Variants in E2F1 observed in about 807,000 individuals in gnomAD.
The protein encoded by E2F1 is E2F transcription factor 1.
In E2F1, 7 loss-of-function variants were observed where a neutral mutation model predicts 36.9. The ratio of observed to expected loss-of-function variants is 0.19; its 90% CI spans 0.11 to 0.36. The LOEUF (loss-of-function observed/expected upper bound fraction) is 0.36, where lower values mean the gene tolerates loss of function less well. E2F1 is among the 10% of genes least tolerant of loss of function. E2F1 has a pLI of 1.00. For synonymous variants in E2F1, 261 were observed against 263.1 expected (o/e 0.99, Z 0.08); for missense variants, 406 against 573.6 (o/e 0.71, Z 2.99).
Position 33,675,857 on chromosome 20 carries a change from A to G in E2F1, c.*875T>C, listed in dbSNP as rs2017943822. 1 of 173,232 alleles carries G rather than the reference A, an allele frequency of 5.8e-6. No individual in the cohort carries two copies. Among genetic ancestry groups the G allele is most frequent in the Non-Finnish European group, 1.2e-5 (1 of 81,524 alleles). The allele number at this position is 173,232 out of a possible 1,614,324, so 10.7% of individuals were successfully genotyped here. A position where few individuals can be genotyped will look rare whatever the true frequency, so the allele number is the denominator to read the frequency against. On this transcript the variant is annotated 3_prime_UTR_variant, in exon 7 of 7. Coordinates refer to ENST00000343380, the MANE Select transcript of E2F1 (RefSeq NM_005225.3). ...GAGGCCTTCACCACCCCTCCTGCCC[A>G]CATCAGTGAAGGTCCCCCACTCACC...
chr20:33,679,369 C>T lies in E2F1; in HGVS notation c.572+386G>A, dbSNP rs1292106481. Among the ~76,000 whole-genome samples the T allele has an allele frequency of 6.6e-6, 1 of 152,122 alleles. No homozygotes were observed. Among genetic ancestry groups the T allele is most frequent in the Non-Finnish European group, 1.5e-5 (1 of 68,020 alleles). On this transcript the variant is annotated intron_variant, in intron 3 of 6. Coordinates refer to ENST00000343380, the MANE Select transcript of E2F1 (RefSeq NM_005225.3). This position sits in a 1 kb window ranked among gnomAD's most constrained non-coding sequence, Gnocchi z 4.6. ...GACCAGACTGGCCAACATGGTGAAACCCCATTTCTACTACAAATACAAAAA... is the reference window on the plus strand; with the variant it reads ...GACCAGACTGGCCAACATGGTGAAATCCCATTTCTACTACAAATACAAAAA...
chr20:33,676,991 G>T lies in E2F1; in HGVS notation c.1067-12C>A. Reference sequence around the variant, plus strand: ...GGACAACAGCGGTTCTGGGGAGACGGGGAGCATCACAGGCCGGGGATGCCC... The same window carrying T: ...GGACAACAGCGGTTCTGGGGAGACGTGGAGCATCACAGGCCGGGGATGCCC... On this transcript the variant is annotated splice_polypyrimidine_tract_variant and intron_variant, in intron 6 of 6. Coordinates refer to ENST00000343380, the MANE Select transcript of E2F1 (RefSeq NM_005225.3). 1 of 1,560,078 alleles carries T rather than the reference G, an allele frequency of 6.4e-7. No individual in the cohort carries two copies. The highest frequency in any genetic ancestry group is 2.3e-5 in the East Asian group (1 of 43,094).
chr20:33,677,064 G>A, intron 6 of E2F1, 41 bp downstream of exon 6: 1 of 1,580,718 alleles, frequency 6.3e-7, no homozygotes, highest in Non-Finnish European at 8.6e-7. Flanking sequence ...CCCCCCAGAA[G>A]AGGGGCCCTG....
At chr20:33,681,400 A>G (rs1331142237) in intron 1 of E2F1, among the ~76,000 whole-genome samples, 1 of 152,174 alleles carries the variant, frequency 6.6e-6, no homozygotes, top group Non-Finnish European at 1.5e-5. Flanking sequence ...TGACTAATCT[A>G]TACGCATGGT....
chr20:33,677,548 G>C lies in E2F1; in HGVS notation c.726-8C>G. 1 of 1,611,992 alleles carries C rather than the reference G, an allele frequency of 6.2e-7. No homozygotes were observed. The highest frequency in any genetic ancestry group is 8.5e-7 in the Non-Finnish European group (1 of 1,178,288). On this transcript the variant is annotated splice_region_variant and splice_polypyrimidine_tract_variant and intron_variant, in intron 4 of 6. Coordinates refer to ENST00000343380, the MANE Select transcript of E2F1 (RefSeq NM_005225.3). ...CACGTCACGTAGGCCAGGGTTGGCA[G>C]AGTCAAGGACCACATGACCTTTGAC...
chr20:33,685,865 G>A (rs2018062811), intron 1 of E2F1, 139 bp downstream of exon 1: 3 of 849,262 alleles, frequency 3.5e-6, no homozygotes, highest in Non-Finnish European at 4.3e-6. Context: ...CCCAACCCCG[G>A]CTCTGCACCG....
Position 33,676,849 on chromosome 20 carries a change from G to A in E2F1, c.1197C>T (p.Phe399=). ...CCTCGTGGGGTGGGGAAAGGCTGAT[G>A]AACTCCTCAGGGAGGAGGCCGGAGA... ...EDFSGLLPEE[F]ISLSPPHEAL... is the part of the protein sequence containing the mutation. The change falls in exon 7 of 7, where the codon TTC becomes TTT. Residue 399 remains phenylalanine (F), a synonymous_variant. Transcript: ENST00000343380. The A allele has an allele frequency of 6.3e-7, 1 of 1,591,584 alleles. No individual in the cohort carries two copies. Among genetic ancestry groups the A allele is most frequent in the South Asian group, 1.1e-5 (1 of 88,134 alleles).
At position 33,676,884 on chromosome 20, in the gene E2F1, G is replaced by T; in HGVS notation, c.1162C>A (p.Arg388=). 1 of 1,576,788 alleles carries T rather than the reference G, an allele frequency of 6.3e-7. No homozygotes were observed. Among genetic ancestry groups the T allele is most frequent in the Non-Finnish European group, 8.6e-7 (1 of 1,160,276 alleles). Residue 388 remains arginine (R), a synonymous_variant, in exon 7 of 7, where the codon CGG becomes AGG. Coordinates refer to ENST00000343380, the MANE Select transcript of E2F1 (RefSeq NM_005225.3). ...VAADSLLEHV[R]EDFSGLLPEE... ...GGGAGGAGGCCGGAGAAGTCCTCCC[G>T]CACATGCTCCAGGAGCGAGTCGGCC...
At chr20:33,685,520 G>A (rs1410569304) in intron 1 of E2F1, among the ~76,000 whole-genome samples, 2 of 152,120 alleles carry the variant, frequency 1.3e-5, no homozygotes, top group East Asian at 3.9e-4. Flanking sequence ...TGCAAATTCT[G>A]AGCTGAAGCC....
chr20:33,678,484 G>T, intron 3 of E2F1, 131 bp from the exon 4 acceptor site: 1 of 1,211,602 alleles, frequency 8.3e-7, no homozygotes, highest in Non-Finnish European at 1.1e-6. Flanking sequence ...CTTCTGTCTG[G>T]GTCTGGCTCC....
chr20:33,677,362 GGCCCAGGTGACCACCA>G (rs1231065322), intron 5 of E2F1, 32 bp from the exon 6 acceptor site: 2 of 1,610,880 alleles, frequency 1.2e-6, no homozygotes, highest in East Asian at 4.5e-5. Context: ...GGTAAACTGA[GGCCCAGGTGACCACCA>G]GCCCAGCCCA....
At position 33,676,455 on chromosome 20, in the gene E2F1, TACATGCACACAC is replaced by T; in HGVS notation, c.*265_*276del. ...GTGTATGTTCACCTTCATTCCCCGG[TACATGCACACAC>T]ACATGCTCACACACATTCACCCCCG... On this transcript the variant is annotated 3_prime_UTR_variant, in exon 7 of 7. Transcript: ENST00000343380. 2.4e-6 allele frequency: 1 copy of T among 412,142 alleles called. No individual in the cohort carries two copies. 25.5% of individuals were successfully genotyped at this position (412,142 alleles called of 1,614,324 possible).
chr20:33,680,005 C>A, intron 2 of E2F1, 31 bp from the exon 3 acceptor site: 1 of 1,533,012 alleles, frequency 6.5e-7, no homozygotes, highest in Non-Finnish European at 8.9e-7. Flanking sequence ...AAGACAGGGC[C>A]CTTCAGCATC....
In E2F1 at chr20:33,675,818, G is replaced by T. The variant is rs3213180; in HGVS notation, c.*914C>A. 1 of 185,206 alleles carries T rather than the reference G, an allele frequency of 5.4e-6. No homozygotes were observed. Among genetic ancestry groups the T allele is most frequent in the Non-Finnish European group, 1.1e-5 (1 of 88,906 alleles). The allele number at this position is 185,206 out of a possible 1,614,324, so 11.5% of individuals were successfully genotyped here. On this transcript the variant is annotated 3_prime_UTR_variant, in exon 7 of 7. Coordinates refer to ENST00000343380, the MANE Select transcript of E2F1 (RefSeq NM_005225.3). Reference sequence around the variant, plus strand: ...TCAGACACTGCAGGAGGGACCACAGGGTCTGGGCTGGGGGAGGCCTTCACC... The same window carrying T: ...TCAGACACTGCAGGAGGGACCACAGTGTCTGGGCTGGGGGAGGCCTTCACC...
At chr20:33,677,634 C>T (rs2017977763) in intron 4 of E2F1, 94 bp from the exon 5 acceptor site, 7 of 920,368 alleles carry the variant, frequency 7.6e-6, no homozygotes, top group Non-Finnish European at 1.2e-5. Flanking sequence ...CCTAGTCACT[C>T]CTGTCCTCCC....
intron 1 of E2F1, among the ~76,000 whole-genome samples, chr20:33,683,242 G>A (rs375724474): frequency 1.3e-5 from 2 of 152,150 alleles, no homozygotes; most frequent in African/African-American, 4.8e-5. Flanking sequence ...CTTGAGGTCA[G>A]GAGTTCAAGA....
At position 33,678,329 on chromosome 20, in the gene E2F1, G is replaced by A. The variant is rs747620421; in HGVS notation, c.597C>T (p.Val199=). The change falls in exon 4 of 7, where the codon GTC becomes GTT. Residue 199 remains valine (V), a synonymous_variant. Coordinates refer to ENST00000343380, the MANE Select transcript of E2F1 (RefSeq NM_005225.3). ...GGGTCAACCCCTCAAGCCGTCCGCC[G>A]ACGCCCACTGTGGTGTGGCTGCCCC... The part of the protein sequence containing the change: ...QWLGSHTTVG[V]GGRLEGLTQD... The A allele has an allele frequency of 2.0e-5, 33 of 1,612,258 alleles. No homozygotes were observed. Among genetic ancestry groups the A allele is most frequent in the Middle Eastern group, 2.1e-4 (1 of 4,708 alleles).
At position 33,677,345 on chromosome 20, in the gene E2F1, C is replaced by T. The variant is rs778924828; in HGVS notation, c.841-15G>A. 3 of 1,611,512 alleles carry T rather than the reference C, an allele frequency of 1.9e-6. No individual in the cohort carries two copies. The highest frequency in any genetic ancestry group is 2.2e-5 in the South Asian group (2 of 90,874). ...ATCTGAAAGTTCTGGGTGGAAGCAG[C>T]AGGCAGGGTAAACTGAGGCCCAGGT... On this transcript the variant is annotated splice_polypyrimidine_tract_variant and intron_variant, in intron 5 of 6. Transcript: ENST00000343380.
In E2F1 at chr20:33,679,092, A is replaced by G. The variant is rs935997635; in HGVS notation, c.572+663T>C. Among the ~76,000 whole-genome samples, 9 of 152,260 alleles carry G rather than the reference A, an allele frequency of 5.9e-5. No individual in the cohort carries two copies. The highest frequency in any genetic ancestry group is 2.2e-4 in the African/African-American group (9 of 41,474). ...AAAATAAAACAAGAATAAAATATCT[A>G]TGCCAGACAGATCTCACCGAGGGCA... On this transcript the variant is annotated intron_variant, in intron 3 of 6. Transcript: ENST00000343380. The surrounding 1 kb of genome is among the most constrained non-coding windows in gnomAD (Gnocchi z 4.6).
Sources: allele counts gnomAD v4.1 joint callset (sites outside exome capture counted in the v4.1 genomes callset), GRCh38; gene constraint gnomAD v4.1.1; non-coding constraint Gnocchi (gnomAD v3.1); transcripts MANE v1.5; gene names NCBI Gene and HGNC (gene_info 2026-07-23, HGNC 2026-07-21).